The following R3HDM2 variants were observed in gnomAD, a reference collection of about 807,000 sequenced individuals.
The protein encoded by R3HDM2 is R3H domain-containing protein 2.
Under a neutral mutation model 124.5 loss-of-function variants are expected in R3HDM2, and 38 were observed. The observed-to-expected ratio is 0.31, with a 90% CI of 0.24 to 0.40. The LOEUF (loss-of-function observed/expected upper bound fraction) is 0.40, where lower values mean the gene tolerates loss of function less well. Among genes scored for constraint, R3HDM2 ranks in the 10% least tolerant of loss-of-function variants. The probability of loss-of-function intolerance (pLI) is 1.00; values close to 1 mark genes in which losing one functional copy is unlikely to be tolerated. For missense variants in R3HDM2, 869 were observed against 1,236.9 expected, an observed-to-expected ratio of 0.70 and a Z score of 4.46; for synonymous variants, 391 against 448.0, an observed-to-expected ratio of 0.87 and a Z score of 1.61.
In R3HDM2 at chr12:57,254,939, C is replaced by T. The variant is rs1043951646; in HGVS notation, c.2807G>A (p.Arg936His). 33 of 1,613,964 alleles carry T rather than the reference C, an allele frequency of 2.0e-5. No homozygotes were observed. In the African/African-American group the frequency reaches 2.8e-4, roughly 14 times the overall value. Residue 936 changes from arginine (R) to histidine (H), a missense_variant, in exon 24 of 24, where the codon CGC (arginine) becomes CAC (histidine). Arg to His is a conservative substitution (Grantham distance 29). Transcript: ENST00000402412. ...GDNSGTAENGRHSDLAALYTI... is the reference protein window; with the variant it reads ...GDNSGTAENGHHSDLAALYTI... The stretch of plus-strand genomic sequence containing the variant: ...GTACAAGGCAGCGAGGTCCGAGTGG[C>T]GGCCATTCTCAGCAGTCCCACTGTT...
intron 12 of R3HDM2, among the ~76,000 whole-genome samples, chr12:57,286,147 A>G (rs1275132810): frequency 6.6e-6 from 1 of 152,206 alleles, no homozygotes; most frequent in Non-Finnish European, 1.5e-5. Flanking sequence ...ATGGAGGTAA[A>G]GGACAAAGAG....
At chr12:57,428,810 G>A (rs993008611) in intron 1 of R3HDM2, among the ~76,000 whole-genome samples, 6 of 150,732 alleles carry the variant, frequency 4.0e-5, no homozygotes, top group Non-Finnish European at 8.8e-5. Context: ...ACAGTGGCAC[G>A]ATCTTGGCTT....
intron 2 of R3HDM2, among the ~76,000 whole-genome samples, chr12:57,393,371 G>C (rs544627444): frequency 2.2e-4 from 33 of 152,294 alleles, no homozygotes; most frequent in African/African-American, 7.7e-4. Flanking sequence ...CCCAAGTGCT[G>C]GGATTACAGG....
At position 57,280,428 on chromosome 12, in the gene R3HDM2, T is replaced by C. The variant is rs1164881238; in HGVS notation, c.1274A>G (p.Gln425Arg). 6.2e-7 allele frequency: 1 copy of C among 1,613,942 alleles called. No homozygotes were observed. The highest frequency in any genetic ancestry group is 2.2e-5 in the East Asian group (1 of 44,892). Residue 425 changes from glutamine (Q) to arginine (R), a missense_variant, in exon 14 of 24, where the codon CAG becomes CGG. Gln to Arg is a conservative substitution (Grantham distance 43, BLOSUM62 1). This residue lies in a region of R3HDM2 where 602 missense variants were observed against 789.2 expected (regional missense o/e 0.76). Transcript: ENST00000402412. The part of the protein sequence containing the change: ...CTAQQQQQQQ[Q>R]QQLPALPPTP... ...GGGTGGGAGAGCAGGAAGTTGCTGCTGCTGCTGCTGCTGTTGCTGCTGGGC... is the reference window on the plus strand; with the variant it reads ...GGGTGGGAGAGCAGGAAGTTGCTGCCGCTGCTGCTGCTGTTGCTGCTGGGC...
chr12:57,312,869 C>T (rs1316597666), intron 2 of R3HDM2, among the ~76,000 whole-genome samples: 2 of 135,822 alleles, frequency 1.5e-5, no homozygotes, highest in Admixed American at 1.7e-4. Context: ...GCAGAAGTTG[C>T]GGTGAGCCAA....
At chr12:57,336,013 T>C (rs1180587177) in intron 2 of R3HDM2, among the ~76,000 whole-genome samples, 2 of 151,506 alleles carry the variant, frequency 1.3e-5, no homozygotes, top group East Asian at 1.9e-4. Context: ...CACTGATAAT[T>C]AGAGAAATGC....
Position 57,381,680 on chromosome 12 carries a change from CG to C in R3HDM2, c.-36+14068del, listed in dbSNP as rs1486416845. ...CTTACTGAGAGAAGGAAAATGGTAT[CG>C]ACTTCATAAATCACAACTAAAATGT... On this transcript the variant is annotated intron_variant, in intron 2 of 23. Transcript: ENST00000402412. Among the ~76,000 whole-genome samples, 10 of 147,510 alleles carry C rather than the reference CG, an allele frequency of 6.8e-5. No individual in the cohort carries two copies. The South Asian group carries it at 8.9e-4, about 13-fold the overall frequency.
Position 57,295,425 on chromosome 12 carries a change from C to T in R3HDM2, c.784G>A (p.Ala262Thr), listed in dbSNP as rs1352643538. ...TGGTTATCATCTCGGTCCATACTGG[C>T]ATCATCTCTCTTGAGAATGAACCTC... ...QQRFILKRDD[A>T]SMDRDDNQIR... The change falls in exon 10 of 24, where the codon GCC becomes ACC. Residue 262 changes from alanine to threonine, a missense_variant. Transcript: ENST00000402412. The T allele has an allele frequency of 1.9e-6, 3 of 1,551,512 alleles. No homozygotes were observed. The highest frequency in any genetic ancestry group is 4.9e-5 in the East Asian group (2 of 40,918).
At chr12:57,427,299 T>A (rs55772485) in intron 1 of R3HDM2, among the ~76,000 whole-genome samples, 54,646 of 140,970 alleles carry the variant, frequency 0.39, 11,676 homozygotes, top group Middle Eastern at 0.77. Flanking sequence ...TCAAAAAAAA[T>A]AAATAAATAA....
rs755568350 is a variant in R3HDM2 at position 57,258,939 on chromosome 12, T to C, written c.2252A>G (p.Gln751Arg). Reference sequence around the variant, plus strand: ...CAGGTCTCCAGGCTTCTGCCCCCGCTGGTCCATGCTGTAGTATTTACAATG... The same window carrying C: ...CAGGTCTCCAGGCTTCTGCCCCCGCCGGTCCATGCTGTAGTATTTACAATG... ...WSHCKYYSMD[Q>R]RGQKPGDLYS... The change falls in exon 20 of 24, where the codon CAG becomes CGG. Residue 751 changes from glutamine to arginine, a missense_variant. This residue lies in a region of R3HDM2 where 602 missense variants were observed against 789.2 expected (regional missense o/e 0.76). Transcript: ENST00000402412. The C allele has an allele frequency of 1.2e-6, 2 of 1,611,906 alleles. No homozygotes were observed. Among genetic ancestry groups the C allele is most frequent in the East Asian group, 2.2e-5 (1 of 44,838 alleles).
intron 2 of R3HDM2, among the ~76,000 whole-genome samples, chr12:57,312,480 G>A (rs1418671156): frequency 1.3e-5 from 2 of 152,078 alleles, no homozygotes; most frequent in Non-Finnish European, 2.9e-5. Context: ...TGTTCACCTT[G>A]TGGTGGCTCT....
At chr12:57,346,486 A>T (rs2060105360) in intron 2 of R3HDM2, among the ~76,000 whole-genome samples, 1 of 152,186 alleles carries the variant, frequency 6.6e-6, no homozygotes. Flanking sequence ...AAACCATGAG[A>T]ACTAGAAGGA....
intron 1 of R3HDM2, among the ~76,000 whole-genome samples, chr12:57,412,244 C>T (rs2069070096): frequency 6.6e-6 from 1 of 152,082 alleles, no homozygotes; most frequent in Admixed American, 6.6e-5. Flanking sequence ...GAAGCAGGTT[C>T]AAAACACAAA....
In R3HDM2 at chr12:57,296,042, G is replaced by C. The variant is rs1220060796; in HGVS notation, c.701+369C>G. On this transcript the variant is annotated intron_variant, in intron 9 of 23. Coordinates refer to ENST00000402412, the MANE Select transcript of R3HDM2 (RefSeq NM_001394031.1). This position sits in a 1 kb window ranked among gnomAD's most constrained non-coding sequence, Gnocchi z 4.5. ...CTGCCACCGCGCCCGGCTAATTTTT[G>C]TATTTTTAGTAGAGACGGGGTTTCA... 1.3e-5 allele frequency among the ~76,000 whole-genome samples: 2 copies of C among 151,594 alleles called. No homozygotes were observed. Among genetic ancestry groups the C allele is most frequent in the Non-Finnish European group, 2.9e-5 (2 of 67,906 alleles).
chr12:57,328,640 G>A (rs1298426303), intron 2 of R3HDM2, among the ~76,000 whole-genome samples: 1 of 152,128 alleles, frequency 6.6e-6, no homozygotes, highest in Non-Finnish European at 1.5e-5. Context: ...TGGGCCTTAA[G>A]TTATCCTCCC....
intron 13 of R3HDM2, among the ~76,000 whole-genome samples, chr12:57,281,242 G>A (rs1248957226): frequency 2.7e-5 from 4 of 146,680 alleles, no homozygotes; most frequent in East Asian, 2.1e-4. Context: ...AGCTGAGATC[G>A]CGCCATGACA....
At chr12:57,262,530 G>C (rs1423511017) in intron 19 of R3HDM2, among the ~76,000 whole-genome samples, 1 of 152,112 alleles carries the variant, frequency 6.6e-6, no homozygotes, top group African/African-American at 2.4e-5. Flanking sequence ...GGGTAAACAG[G>C]GCAACTACAA....
chr12:57,303,404 G>GACTAC (rs2051725821), intron 3 of R3HDM2, among the ~76,000 whole-genome samples, 187 bp from the exon 4 acceptor site: 1 of 152,088 alleles, frequency 6.6e-6, no homozygotes, highest in Admixed American at 6.6e-5. Context: ...ACAGGAAAGG[G>GACTAC]ACTACAGGCC....
intron 14 of R3HDM2, 124 bp from the exon 15 acceptor site, chr12:57,270,118 C>T: frequency 8.5e-7 from 1 of 1,178,798 alleles, no homozygotes; most frequent in Non-Finnish European, 1.2e-6. Flanking sequence ...GGGGATAGTC[C>T]TACCTCTGTG....
Sources: allele counts gnomAD v4.1 joint callset (sites outside exome capture counted in the v4.1 genomes callset), GRCh38; gene constraint gnomAD v4.1.1; regional missense constraint gnomAD v4.1.1; non-coding constraint Gnocchi (gnomAD v3.1); transcripts MANE v1.5; gene names NCBI Gene and HGNC (gene_info 2026-07-23, HGNC 2026-07-21).